Variants in EHMT1 observed in about 807,000 individuals in gnomAD.
EHMT1 encodes histone-lysine N-methyltransferase EHMT1.
In EHMT1, 15 loss-of-function variants were observed where a neutral mutation model predicts 147.2. The observed-to-expected ratio is 0.10, with a 90% CI of 0.07 to 0.16. The LOEUF (loss-of-function observed/expected upper bound fraction) is 0.16. EHMT1 is among the 10% of genes least tolerant of loss of function. The pLI, the probability that EHMT1 is intolerant of heterozygous loss-of-function variation, is 1.00. For missense variants in EHMT1, 1,587 were observed against 1,772.4 expected, an observed-to-expected ratio of 0.90 and a Z score of 1.88; for synonymous variants, 795 against 709.6, an observed-to-expected ratio of 1.12 and a Z score of -1.91.
chr9:137,821,874 T>C (rs1276963164), intron 25 of EHMT1, among the ~76,000 whole-genome samples: 1 of 152,230 alleles, frequency 6.6e-6, no homozygotes, highest in Non-Finnish European at 1.5e-5. Context: ...TGTGGTGTGG[T>C]CTTGTATATG....
At chr9:137,629,271 T>C (rs183649295) in intron 1 of EHMT1, among the ~76,000 whole-genome samples, 94 of 151,368 alleles carry the variant, frequency 6.2e-4, no homozygotes, top group African/African-American at 2.1e-3. Flanking sequence ...TTTGTATTTT[T>C]AGTAGAGATG....
chr9:137,669,121 A>G (rs946784572), intron 1 of EHMT1, among the ~76,000 whole-genome samples: 1 of 152,140 alleles, frequency 6.6e-6, no homozygotes, highest in Non-Finnish European at 1.5e-5. Flanking sequence ...TCCTGATCTC[A>G]GGTGATCCGC....
chr9:137,825,031 C>T (rs1053631372), intron 25 of EHMT1, among the ~76,000 whole-genome samples: 1 of 152,194 alleles, frequency 6.6e-6, no homozygotes, highest in African/African-American at 2.4e-5. Flanking sequence ...CTAATGTTAG[C>T]TTCAGGCCTT....
intron 9 of EHMT1, 120 bp downstream of exon 9, chr9:137,758,131 A>C: frequency 7.4e-7 from 1 of 1,359,330 alleles, no homozygotes; most frequent in Non-Finnish European, 1.0e-6. Flanking sequence ...GGTTAACTGC[A>C]TCACTTCCAG....
intron 1 of EHMT1, among the ~76,000 whole-genome samples, chr9:137,698,954 G>A (rs1229541707): frequency 6.6e-6 from 1 of 151,624 alleles, no homozygotes; most frequent in Non-Finnish European, 1.5e-5. Context: ...AAAAAAGTCA[G>A]TAGTTTGGTA....
chr9:137,750,020 G>A (rs1222590863), intron 6 of EHMT1, among the ~76,000 whole-genome samples: 1 of 152,142 alleles, frequency 6.6e-6, no homozygotes, highest in African/African-American at 2.4e-5. Context: ...GAGAAGAACC[G>A]GAAATAAACA....
chr9:137,729,993 C>T (rs1403036054), intron 4 of EHMT1, among the ~76,000 whole-genome samples: 2 of 152,180 alleles, frequency 1.3e-5, no homozygotes, highest in Admixed American at 6.5e-5. Flanking sequence ...TTGTGTCTTG[C>T]TAGTTTCCTT....
chr9:137,791,812 A>G (rs576584774), intron 16 of EHMT1, among the ~76,000 whole-genome samples: 1 of 152,142 alleles, frequency 6.6e-6, no homozygotes, highest in Admixed American at 6.6e-5. Flanking sequence ...GCCTACTGCA[A>G]CCTCCACCTC....
intron 4 of EHMT1, among the ~76,000 whole-genome samples, chr9:137,729,857 G>A (rs3123508): frequency 0.11 from 17,109 of 152,118 alleles, 2,070 homozygotes; most frequent in African/African-American, 0.31. Context: ...CAGACATCCC[G>A]GTGAGGAAGT....
At chr9:137,815,889 C>A in intron 22 of EHMT1, 58 bp from the exon 23 acceptor site, 3 of 1,397,550 alleles carry the variant, frequency 2.1e-6, no homozygotes, top group South Asian at 2.5e-5. Context: ...GGGTTGATGT[C>A]AGTTCAATTA....
At chr9:137,730,177 G>A (rs1026514081) in intron 4 of EHMT1, among the ~76,000 whole-genome samples, 1 of 152,190 alleles carries the variant, frequency 6.6e-6, no homozygotes, top group African/African-American at 2.4e-5. Context: ...TTGAATTGTG[G>A]TGGTTTTTTG....
intron 18 of EHMT1, among the ~76,000 whole-genome samples, chr9:137,810,169 C>T (rs981004460): frequency 4.8e-4 from 71 of 146,412 alleles, no homozygotes; most frequent in African/African-American, 1.5e-3. Context: ...GTGATGGGTC[C>T]GGAGGCGGTT....
intron 10 of EHMT1, among the ~76,000 whole-genome samples, chr9:137,771,460 C>G (rs903390574): frequency 6.6e-6 from 1 of 152,294 alleles, no homozygotes; most frequent in Non-Finnish European, 1.5e-5. Context: ...CTCGGGTTTA[C>G]AGCCGTGAGC....
rs1299801364 is a variant in EHMT1 at position 137,775,314 on chromosome 9, C to G, written c.1791+62C>G. ...AGGCTTTGCTGTCTGCTCACTGGTGCTGGTTCCTGTCCTGTGTCCACCTGC... is the reference window on the plus strand; with the variant it reads ...AGGCTTTGCTGTCTGCTCACTGGTGGTGGTTCCTGTCCTGTGTCCACCTGC... On this transcript the variant is annotated intron_variant, in intron 11 of 26. Transcript: ENST00000460843. This position sits in a 1 kb window ranked among gnomAD's most constrained non-coding sequence, Gnocchi z 6.1. 1 of 1,590,258 alleles carries G rather than the reference C, an allele frequency of 6.3e-7. No individual in the cohort carries two copies.
chr9:137,785,031 G>A (rs1951847053), intron 15 of EHMT1: 1 of 154,470 alleles, frequency 6.5e-6, no homozygotes, highest in African/African-American at 2.4e-5. Flanking sequence ...GGCAGAGCTG[G>A]AGTGAGGGCT....
chr9:137,635,032 T>C (rs1173209825), intron 1 of EHMT1, among the ~76,000 whole-genome samples: 1 of 151,402 alleles, frequency 6.6e-6, no homozygotes, highest in Admixed American at 6.6e-5. Flanking sequence ...CACTTGGATT[T>C]TCGTATGAGT....
intron 16 of EHMT1, among the ~76,000 whole-genome samples, chr9:137,796,140 A>G (rs1246731623): frequency 6.6e-6 from 1 of 152,210 alleles, no homozygotes; most frequent in Non-Finnish European, 1.5e-5. Flanking sequence ...GCCAGGCTGG[A>G]GAAGCGCGCT....
chr9:137,777,681 C>T (rs991571779), intron 12 of EHMT1, among the ~76,000 whole-genome samples: 2 of 152,184 alleles, frequency 1.3e-5, no homozygotes, highest in Non-Finnish European at 1.5e-5. Context: ...TTTGAACACG[C>T]TGCCCAGAAG....
chr9:137,641,108 T>A (rs775874369), intron 1 of EHMT1: 5 of 317,220 alleles, frequency 1.6e-5, no homozygotes, highest in Non-Finnish European at 3.1e-5. Context: ...CAAGGAGCAC[T>A]GTGATGAATT....
Sources: gnomAD v4.1 joint callset for allele counts (sites outside exome capture counted in the v4.1 genomes callset) on GRCh38, gnomAD v4.1.1 for gene constraint, Gnocchi (gnomAD v3.1) non-coding constraint, MANE v1.5 for transcripts, NCBI Gene and HGNC (gene_info 2026-07-23, HGNC 2026-07-21) for gene names.